The following DACH2 variants were observed in gnomAD, a reference collection of about 807,000 sequenced individuals.
The protein encoded by DACH2 is dachshund family transcription factor 2, also known as dachshund homolog 2.
In DACH2, 17 loss-of-function variants were observed where a neutral mutation model predicts 35.8. That is an observed-to-expected ratio of 0.48 (90% CI 0.33 to 0.71). The LOEUF is 0.71. Among genes scored for constraint, DACH2 ranks in the 30% least tolerant of loss-of-function variants. DACH2 has a pLI of 0.02. For missense variants in DACH2, 469 were observed against 472.7 expected, an observed-to-expected ratio of 0.99 and a Z score of 0.07; for synonymous variants, 195 against 177.3, an observed-to-expected ratio of 1.10 and a Z score of -0.79.
rs1485368851 is a variant in DACH2 at position 86,717,333 on chromosome X, G to A, written c.1104+2613G>A. On this transcript the variant is annotated intron_variant, in intron 6 of 11. Coordinates refer to ENST00000373125, the MANE Select transcript of DACH2 (RefSeq NM_053281.3). ...TTATAAGTGAGAACATATGGTATTTGTCTTTCTGTGCCTGACTTGTTATGC... is the reference window on the plus strand; with the variant it reads ...TTATAAGTGAGAACATATGGTATTTATCTTTCTGTGCCTGACTTGTTATGC... Among the ~76,000 whole-genome samples, 3 of 110,967 alleles carry A rather than the reference G, an allele frequency of 2.7e-5. No individual in the cohort carries two copies. In the East Asian group the frequency reaches 8.4e-4, roughly 31 times the overall value.
intron 3 of DACH2, among the ~76,000 whole-genome samples, chrX:86,544,910 C>A (rs56148190): frequency 0.022 from 2,451 of 112,242 alleles, 60 homozygotes; most frequent in African/African-American, 0.074. Flanking sequence ...TCAAGCAATT[C>A]TCTTGCCTCA....
At chrX:86,805,575 C>G (rs1343864519) in intron 7 of DACH2, among the ~76,000 whole-genome samples, 2 of 110,137 alleles carry the variant, frequency 1.8e-5, no homozygotes, top group Non-Finnish European at 3.8e-5. Context: ...TTTTTTCCTA[C>G]ACATGACCAG....
chrX:86,762,291 G>C (rs2041891358), intron 7 of DACH2, among the ~76,000 whole-genome samples: 1 of 110,772 alleles, frequency 9.0e-6, no homozygotes, highest in African/African-American at 3.3e-5. Context: ...ACTTAGACTA[G>C]TGAAAAAAAA....
chrX:86,756,397 C>A (rs1351466263), intron 7 of DACH2, among the ~76,000 whole-genome samples: 3 of 109,653 alleles, frequency 2.7e-5, no homozygotes, highest in African/African-American at 9.9e-5. Context: ...TTTGTGTCCT[C>A]TTCAATTTCT....
At chrX:86,433,207 A>G (rs1032602944) in intron 2 of DACH2, among the ~76,000 whole-genome samples, 5 of 112,111 alleles carry the variant, frequency 4.5e-5, no homozygotes, top group Non-Finnish European at 9.4e-5. Context: ...TGATACAAAA[A>G]GTGTCTGTTA....
intron 7 of DACH2, among the ~76,000 whole-genome samples, chrX:86,797,870 T>C (rs1451524173): frequency 9.0e-6 from 1 of 111,691 alleles, no homozygotes; most frequent in Non-Finnish European, 1.9e-5. Flanking sequence ...TCACATGTCT[T>C]AATTGCTTCT....
rs752234525 is a variant in DACH2, at chrX:86,366,918, T to C, written c.489-9906T>C. Among the ~76,000 whole-genome samples, 5 of 111,054 alleles carry C rather than the reference T, an allele frequency of 4.5e-5. No individual in the cohort carries two copies. The East Asian group carries it at 1.2e-3, about 26-fold the overall frequency. On this transcript the variant is annotated intron_variant, in intron 1 of 11. Coordinates refer to ENST00000373125, the MANE Select transcript of DACH2 (RefSeq NM_053281.3). ...GGCACTATGTTTCTTGTACAGCCTA[T>C]AGAAATGTGAGCCAAATAAACCTCT...
chrX:86,179,784 C>A (rs2031416627), intron 1 of DACH2, among the ~76,000 whole-genome samples: 1 of 110,794 alleles, frequency 9.0e-6, no homozygotes, highest in African/African-American at 3.3e-5. Flanking sequence ...TGAGATTGCA[C>A]CTTGATTGTG....
At chrX:86,485,416 A>C (rs1431463121) in intron 2 of DACH2, among the ~76,000 whole-genome samples, 1 of 111,463 alleles carries the variant, frequency 9.0e-6, no homozygotes, top group Non-Finnish European at 1.9e-5. Flanking sequence ...CAATGGGTAC[A>C]AACCTACAGT....
intron 7 of DACH2, among the ~76,000 whole-genome samples, chrX:86,779,574 T>G (rs964114091): frequency 9.0e-6 from 1 of 111,628 alleles, no homozygotes; most frequent in Non-Finnish European, 1.9e-5. Context: ...CTCTAGATAC[T>G]GGTAAATAAC....
chrX:86,296,414 ATATCT>A lies in DACH2; in HGVS notation c.489-80407_489-80403del, dbSNP rs1160712748. ...AAAAAAAAAAAAAAAAAAAAAAGAA[ATATCT>A]TAAGTTAGTTCATGACATATTTGAT... On this transcript the variant is annotated intron_variant, in intron 1 of 11. Transcript: ENST00000373125. 5.1e-4 allele frequency among the ~76,000 whole-genome samples: 54 copies of A among 105,805 alleles called. No homozygotes were observed. The East Asian group carries it at 0.014, about 27-fold the overall frequency. 91.9% of individuals were successfully genotyped at this position (105,805 alleles called of 115,157 possible). A position where few individuals can be genotyped will look rare whatever the true frequency, so the allele number is the denominator to read the frequency against.
intron 1 of DACH2, among the ~76,000 whole-genome samples, chrX:86,192,611 A>C (rs1413988180): frequency 8.9e-6 from 1 of 112,070 alleles, no homozygotes; most frequent in Non-Finnish European, 1.9e-5. Flanking sequence ...TTGTTGCTAT[A>C]AATTGTTAAC....
intron 1 of DACH2, among the ~76,000 whole-genome samples, chrX:86,149,628 G>T (rs1270360762): frequency 9.0e-6 from 1 of 111,586 alleles, no homozygotes; most frequent in Non-Finnish European, 1.9e-5. Context: ...TCCCCATCCC[G>T]TGTGTTTGTT....
intron 3 of DACH2, among the ~76,000 whole-genome samples, chrX:86,624,806 G>A (rs1014141635): frequency 9.0e-6 from 1 of 111,364 alleles, no homozygotes; most frequent in African/African-American, 3.3e-5. Flanking sequence ...AATTCTCAAA[G>A]CTACAAAAGA....
At chrX:86,531,663 G>T (rs1483059190) in intron 3 of DACH2, among the ~76,000 whole-genome samples, 1 of 112,631 alleles carries the variant, frequency 8.9e-6, no homozygotes, top group African/African-American at 3.2e-5. Flanking sequence ...CTGCTACAGG[G>T]CAGAGCCCTC....
intron 6 of DACH2, among the ~76,000 whole-genome samples, chrX:86,716,551 A>G (rs1287885438): frequency 9.0e-6 from 1 of 111,566 alleles, no homozygotes; most frequent in Non-Finnish European, 1.9e-5. Flanking sequence ...GACAAACAAA[A>G]GCACTTCAAA....
chrX:86,741,207 G>A (rs908184605), intron 7 of DACH2, among the ~76,000 whole-genome samples: 1 of 111,579 alleles, frequency 9.0e-6, no homozygotes, highest in African/African-American at 3.3e-5. Flanking sequence ...GCTAGGGAAG[G>A]TTTTAGATTC....
intron 3 of DACH2, among the ~76,000 whole-genome samples, chrX:86,634,683 A>G (rs1427117876): frequency 2.7e-5 from 3 of 111,698 alleles, no homozygotes; most frequent in African/African-American, 9.8e-5. Context: ...AATTAATCCC[A>G]TTTATAATAG....
chrX:86,643,605 A>G (rs1251272015), intron 3 of DACH2, among the ~76,000 whole-genome samples: 1 of 111,553 alleles, frequency 9.0e-6, no homozygotes, highest in East Asian at 2.8e-4. Flanking sequence ...TCCCCAACTT[A>G]TTCTAAGAGA....
Sources: allele counts gnomAD v4.1 joint callset (sites outside exome capture counted in the v4.1 genomes callset), GRCh38; gene constraint gnomAD v4.1.1; transcripts MANE v1.5; gene names NCBI Gene and HGNC (gene_info 2026-07-23, HGNC 2026-07-21).